Variants in MTA1 observed in about 807,000 individuals in gnomAD.
MTA1 encodes metastasis-associated protein MTA1.
In MTA1, 15 loss-of-function variants were observed where a neutral mutation model predicts 97.0. The observed-to-expected ratio is 0.15, with a 90% CI of 0.10 to 0.24. The LOEUF (loss-of-function observed/expected upper bound fraction) is 0.24. MTA1 is among the 10% of genes least tolerant of loss of function. The pLI is 1.00. For synonymous variants in MTA1, 435 were observed against 417.5 expected, an observed-to-expected ratio of 1.04 and a Z score of -0.51; for missense variants, 709 against 1,015.1, an observed-to-expected ratio of 0.70 and a Z score of 4.10.
intron 2 of MTA1, among the ~76,000 whole-genome samples, chr14:105,440,247 G>A (rs1284123799): frequency 6.6e-6 from 1 of 152,266 alleles, no homozygotes; most frequent in Non-Finnish European, 1.5e-5. Context: ...TGAGTGCGGG[G>A]CAGCACTTTA....
At chr14:105,469,713 TG>T in intron 19 of MTA1, 127 bp from the exon 20 acceptor site, 2 of 1,380,346 alleles carry the variant, frequency 1.4e-6, no homozygotes, top group Non-Finnish European at 2.0e-6. Flanking sequence ...TGGGCCAGGC[TG>T]GGGGTCCGTG....
rs1227435866 is a variant in MTA1, at chr14:105,421,956, C to A, written c.28+1893C>A. 2.0e-5 allele frequency among the ~76,000 whole-genome samples: 3 copies of A among 152,332 alleles called. 1 individual carries two copies. The highest frequency in any genetic ancestry group is 7.2e-5 in the African/African-American group (3 of 41,574). On this transcript the variant is annotated intron_variant, in intron 1 of 20. Coordinates refer to ENST00000331320, the MANE Select transcript of MTA1 (RefSeq NM_004689.4). ...GGACTCCTAGGCTGTGGCGGAGGGG[C>A]CCCACCATGCCTGGCAGAGATGCTG...
Position 105,420,002 on chromosome 14 carries a change from C to T in MTA1, c.-34C>T, listed in dbSNP as rs1383427572. 9.8e-7 allele frequency: 1 copy of T among 1,021,080 alleles called. No individual in the cohort carries two copies. The highest frequency in any genetic ancestry group is 1.2e-6 in the Non-Finnish European group (1 of 856,982). 63.3% of individuals were successfully genotyped at this position (1,021,080 alleles called of 1,614,324 possible). On this transcript the variant is annotated 5_prime_UTR_variant, in exon 1 of 21. Coordinates refer to ENST00000331320, the MANE Select transcript of MTA1 (RefSeq NM_004689.4). This position sits in a 1 kb window ranked among gnomAD's most constrained non-coding sequence, Gnocchi z 5.3. ...GGCCGCCCGCGCCGAGCGCCGCGCCCGCCCCGGGCCCCTCCGCCGCCGCCG... is the reference window on the plus strand; with the variant it reads ...GGCCGCCCGCGCCGAGCGCCGCGCCTGCCCCGGGCCCCTCCGCCGCCGCCG...
chr14:105,442,213 AC>A (rs1555425921), intron 2 of MTA1, among the ~76,000 whole-genome samples: 1 of 152,154 alleles, frequency 6.6e-6, no homozygotes, highest in Non-Finnish European at 1.5e-5. Context: ...CGGAGTCAAA[AC>A]CCACTTTGCC....
At chr14:105,444,894 T>C (rs1172674666) in intron 2 of MTA1, among the ~76,000 whole-genome samples, 3 of 152,142 alleles carry the variant, frequency 2.0e-5, no homozygotes, top group African/African-American at 7.2e-5. Flanking sequence ...TTATAAAAAC[T>C]CGTTCAGAAA....
intron 1 of MTA1, among the ~76,000 whole-genome samples, chr14:105,426,241 A>G (rs1399795472): frequency 2.0e-5 from 3 of 152,052 alleles, no homozygotes; most frequent in Admixed American, 6.6e-5. Flanking sequence ...GCGTCGTCAC[A>G]GGGGAGGAAA....
intron 3 of MTA1, among the ~76,000 whole-genome samples, chr14:105,448,840 G>C (rs2082811114): frequency 1.3e-5 from 2 of 152,278 alleles, no homozygotes; most frequent in South Asian, 4.1e-4. Context: ...GCTGGCTGTG[G>C]TCCCATCTGG....
At chr14:105,468,251 C>T (rs2083679423) in intron 18 of MTA1, 1 of 1,255,460 alleles carries the variant, frequency 8.0e-7, no homozygotes, top group Non-Finnish European at 1.1e-6. Context: ...TTGCGCTGTC[C>T]CCACCTGCGG....
intron 18 of MTA1, chr14:105,467,617 T>C (rs2083650940): frequency 2.6e-6 from 1 of 384,352 alleles, no homozygotes; most frequent in Non-Finnish European, 5.3e-6. Flanking sequence ...TCCTTGCAGC[T>C]TCCTCCCGAC....
chr14:105,435,294 G>A (rs183248648), intron 1 of MTA1, among the ~76,000 whole-genome samples: 38 of 146,866 alleles, frequency 2.6e-4, no homozygotes, highest in Admixed American at 1.7e-3. Context: ...AAAAATTTAA[G>A]TTATATTTAG....
chr14:105,465,030 C>A, intron 15 of MTA1, 64 bp from the exon 16 acceptor site: 1 of 1,446,250 alleles, frequency 6.9e-7, no homozygotes, highest in Non-Finnish European at 9.1e-7. Context: ...CAGGTCAAGG[C>A]GCAGGCAGGG....
In MTA1 at chr14:105,464,572, G is replaced by C. The variant is rs782568080; in HGVS notation, c.1344+5G>C. 28 of 1,610,304 alleles carry C rather than the reference G, an allele frequency of 1.7e-5. No homozygotes were observed. The highest frequency in any genetic ancestry group is 2.2e-5 in the East Asian group (1 of 44,854). ...GGACCAAACCGCAGTAACATGGTAAGGGGGGGGACACCCGCCCTGCCTGCC... is the reference window on the plus strand; with the variant it reads ...GGACCAAACCGCAGTAACATGGTAACGGGGGGGACACCCGCCCTGCCTGCC... On this transcript the variant is annotated splice_donor_5th_base_variant and intron_variant, in intron 14 of 20. Coordinates refer to ENST00000331320, the MANE Select transcript of MTA1 (RefSeq NM_004689.4).
chr14:105,439,526 G>A (rs950210183), intron 2 of MTA1, among the ~76,000 whole-genome samples: 2 of 152,178 alleles, frequency 1.3e-5, no homozygotes, highest in Non-Finnish European at 2.9e-5. Context: ...TAGGGCGCCC[G>A]CACACCCTGG....
At chr14:105,466,775 C>T (rs782283632) in intron 18 of MTA1, 33 bp downstream of exon 18, 37 of 1,552,374 alleles carry the variant, frequency 2.4e-5, no homozygotes, top group South Asian at 1.2e-4. Flanking sequence ...GGCGCTGCGC[C>T]GGCCCCGCCC....
At chr14:105,468,338 G>T (rs1555433411) in intron 18 of MTA1, 1 of 1,304,338 alleles carries the variant, frequency 7.7e-7, no homozygotes, top group South Asian at 1.2e-5. Context: ...GCTCTGGTAG[G>T]CACTTACCTG....
rs1314134763 is a variant in MTA1, at chr14:105,466,505, G to A, written c.1704G>A (p.Val568=). The part of the protein sequence containing the change: ...SVLSSLTPAK[V]APVINNGSPT... Reference sequence around the variant, plus strand: ...TCAGCAGCCTGACGCCCGCCAAGGTGGCCCCCGTCATCAACAACGGCTCCC... The same window carrying A: ...TCAGCAGCCTGACGCCCGCCAAGGTAGCCCCCGTCATCAACAACGGCTCCC... The change falls in exon 17 of 21, where the codon GTG becomes GTA. Residue 568 remains valine, a synonymous_variant. Coordinates refer to ENST00000331320, the MANE Select transcript of MTA1 (RefSeq NM_004689.4). 2 of 1,595,500 alleles carry A rather than the reference G, an allele frequency of 1.3e-6. No individual in the cohort carries two copies. Among genetic ancestry groups the A allele is most frequent in the Non-Finnish European group, 8.5e-7 (1 of 1,172,236 alleles).
intron 1 of MTA1, among the ~76,000 whole-genome samples, chr14:105,421,846 C>T (rs782169942): frequency 1.1e-4 from 16 of 152,256 alleles, no homozygotes; most frequent in South Asian, 6.2e-4. Context: ...CCGCCCTCCC[C>T]GAACCCTCTG....
chr14:105,470,517 T>A lies in MTA1; in HGVS notation c.*302T>A, dbSNP rs587645433. 1 of 362,820 alleles carries A rather than the reference T, an allele frequency of 2.8e-6. No homozygotes were observed. The highest frequency in any genetic ancestry group is 2.2e-5 in the African/African-American group (1 of 46,050). 22.5% of individuals were successfully genotyped at this position (362,820 alleles called of 1,614,324 possible). ...TGCCCGGAGGCCGGGCCCTAAGGTT[T>A]TGTTGTGTTCTGTTGAAGGTGCCAT... On this transcript the variant is annotated 3_prime_UTR_variant, in exon 21 of 21. Transcript: ENST00000331320.
At chr14:105,466,168 G>T in intron 16 of MTA1, 1 of 546,850 alleles carries the variant, frequency 1.8e-6, no homozygotes. Context: ...CCTGGCCCCC[G>T]CCAGGTGGTC....
Sources: gnomAD v4.1 joint callset for allele counts (sites outside exome capture counted in the v4.1 genomes callset) on GRCh38, gnomAD v4.1.1 for gene constraint, Gnocchi (gnomAD v3.1) non-coding constraint, MANE v1.5 for transcripts, NCBI Gene and HGNC (gene_info 2026-07-23, HGNC 2026-07-21) for gene names.